EFCAB14: variants seen among roughly 807,000 people sequenced by gnomAD.
EFCAB14 encodes the protein EF-hand calcium-binding domain-containing protein 14.
EFCAB14 carries 43 observed loss-of-function variants against 56.5 expected under a neutral mutation model. That is an observed-to-expected ratio of 0.76 (90% CI 0.60 to 0.98). The LOEUF (loss-of-function observed/expected upper bound fraction) is 0.98, where lower values mean the gene tolerates loss of function less well. Among genes scored for constraint, EFCAB14 ranks in the 50% least tolerant of loss-of-function variants. EFCAB14 has a pLI of 0.00. For synonymous variants in EFCAB14, 235 were observed against 212.9 expected, an observed-to-expected ratio of 1.10 and a Z score of -0.90; for missense variants, 538 against 580.3, an observed-to-expected ratio of 0.93 and a Z score of 0.75.
At chr1:46,708,088 A>G in intron 2 of EFCAB14, 37 bp from the exon 3 acceptor site, 1 of 1,595,136 alleles carries the variant, frequency 6.3e-7, no homozygotes, top group Non-Finnish European at 8.5e-7. Context: ...TAACTAGCAT[A>G]AAGTGCCCTC....
At chr1:46,715,607 T>C (rs2148852187) in intron 2 of EFCAB14, among the ~76,000 whole-genome samples, 1 of 152,144 alleles carries the variant, frequency 6.6e-6, no homozygotes, top group South Asian at 2.1e-4. Context: ...TAGCCCAGTG[T>C]TGTCATTGCC....
chr1:46,694,515 A>T (rs1201021626), intron 4 of EFCAB14, among the ~76,000 whole-genome samples: 3 of 152,248 alleles, frequency 2.0e-5, no homozygotes, highest in Non-Finnish European at 1.5e-5. Flanking sequence ...AATGCAAATC[A>T]AAACCACAAT....
In EFCAB14 at chr1:46,688,577, A is replaced by G. The variant is rs139419410; in HGVS notation, c.796-33T>C. On this transcript the variant is annotated intron_variant, in intron 6 of 10. Coordinates refer to ENST00000371933, the MANE Select transcript of EFCAB14 (RefSeq NM_014774.3). ...GGAAATAAATAAAGTTATGGAATCC[A>G]CTAAAGACGTAAATTAGACAAGCAG... is the stretch of plus-strand genomic sequence containing the variant. 4.9e-4 allele frequency: 782 copies of G among 1,590,036 alleles called. 4 individuals are homozygous for G. In the African/African-American group the frequency reaches 9.3e-3, roughly 19 times the overall value.
In EFCAB14 at chr1:46,676,267, T is replaced by C. The variant is rs1676692933; in HGVS notation, c.*2194A>G. 6.6e-6 allele frequency: 1 copy of C among 152,170 alleles called. No individual in the cohort carries two copies. The highest frequency in any genetic ancestry group is 2.4e-5 in the African/African-American group (1 of 41,432). The allele number at this position is 152,170 out of a possible 1,614,324, so 9.4% of individuals were successfully genotyped here. ...TGCCAAACTTGGTAGGGGGAGAGGA[T>C]GGTACTGTATACTGGCTCAGGGGTG... is the stretch of plus-strand genomic sequence containing the variant. On this transcript the variant is annotated 3_prime_UTR_variant, in exon 11 of 11. Coordinates refer to ENST00000371933, the MANE Select transcript of EFCAB14 (RefSeq NM_014774.3).
intron 2 of EFCAB14, among the ~76,000 whole-genome samples, chr1:46,713,818 T>C (rs746040508): frequency 6.6e-6 from 1 of 152,188 alleles, no homozygotes; most frequent in Non-Finnish European, 1.5e-5. Flanking sequence ...TGGTTACTTA[T>C]GGTTGAACAC....
At chr1:46,711,039 G>A (rs542582484) in intron 2 of EFCAB14, among the ~76,000 whole-genome samples, 1 of 152,222 alleles carries the variant, frequency 6.6e-6, no homozygotes, top group African/African-American at 2.4e-5. Flanking sequence ...TCATCCATCT[G>A]CTGTTGGACA....
chr1:46,681,695 T>A (rs1676798497), intron 10 of EFCAB14, among the ~76,000 whole-genome samples: 1 of 149,826 alleles, frequency 6.7e-6, no homozygotes, highest in Admixed American at 6.7e-5. Flanking sequence ...GTGGCATGAG[T>A]TTATACAACA....
At chr1:46,688,926 C>G (rs935137138) in intron 6 of EFCAB14, among the ~76,000 whole-genome samples, 1 of 152,168 alleles carries the variant, frequency 6.6e-6, no homozygotes, top group African/African-American at 2.4e-5. Flanking sequence ...AGGAACAATA[C>G]CGATTACTGA....
Position 46,689,578 on chromosome 1 carries a change from A to G in EFCAB14, c.795+9T>C. On this transcript the variant is annotated intron_variant, in intron 6 of 10. Transcript: ENST00000371933. ...GGTCACAGGGAGTTAAGCCAGAGAT[A>G]AAAAGCACCTGTTTCAAATTCTCAC... 6.2e-7 allele frequency: 1 copy of G among 1,613,472 alleles called. No homozygotes were observed. Among genetic ancestry groups the G allele is most frequent in the East Asian group, 2.2e-5 (1 of 44,884 alleles).
At chr1:46,689,520 C>T (rs979527765) in intron 6 of EFCAB14, 67 bp downstream of exon 6, 22 of 1,501,146 alleles carry the variant, frequency 1.5e-5, no homozygotes, top group Non-Finnish European at 2.0e-5. Flanking sequence ...AACACTAAGC[C>T]CAAACTATTT....
At chr1:46,696,413 C>T in intron 4 of EFCAB14, 138 bp downstream of exon 4, 1 of 811,780 alleles carries the variant, frequency 1.2e-6, no homozygotes, top group South Asian at 1.7e-5. Flanking sequence ...TGATACACTC[C>T]ATTACTGCCC....
intron 2 of EFCAB14, among the ~76,000 whole-genome samples, chr1:46,708,290 G>A (rs1677261655): frequency 1.3e-5 from 2 of 152,188 alleles, no homozygotes; most frequent in Non-Finnish European, 2.9e-5. Flanking sequence ...AACAGAATGT[G>A]AGCAGAAAGA....
intron 10 of EFCAB14, among the ~76,000 whole-genome samples, chr1:46,679,599 GTTTT>G (rs60875639): frequency 1.6e-4 from 6 of 36,518 alleles, no homozygotes; most frequent in Admixed American, 1.5e-3. Flanking sequence ...CACCACGCCT[GTTTT>G]TTTTTTTTTT....
At chr1:46,685,758 G>C (rs12059401) in intron 8 of EFCAB14, among the ~76,000 whole-genome samples, 1 of 152,088 alleles carries the variant, frequency 6.6e-6, no homozygotes, top group Non-Finnish European at 1.5e-5. Context: ...CTTTCTAATA[G>C]AAACCACCTA....
chr1:46,691,918 T>G lies in EFCAB14; in HGVS notation c.599A>C (p.Asn200Thr). ...GLQKSVASIGNTLNSVHLAVE... is the reference protein window; with the variant it reads ...GLQKSVASIGTTLNSVHLAVE... Reference sequence around the variant, plus strand: ...AGCAAGATGGACGCTGTTTAAAGTATTGCCAATGGAAGCTACACTCTGAAT... The same window carrying G: ...AGCAAGATGGACGCTGTTTAAAGTAGTGCCAATGGAAGCTACACTCTGAAT... Residue 200 changes from asparagine (N) to threonine (T), a missense_variant, in exon 5 of 11, where the codon AAT becomes ACT. Transcript: ENST00000371933. The G allele has an allele frequency of 6.2e-7, 1 of 1,613,230 alleles. No homozygotes were observed. Among genetic ancestry groups the G allele is most frequent in the Non-Finnish European group, 8.5e-7 (1 of 1,179,588 alleles).
Position 46,716,314 on chromosome 1 carries a change from G to T in EFCAB14, c.315C>A (p.Leu105=), listed in dbSNP as rs1314096116. ...QVALKEDLDA[L]KEKFRTMESN... is the part of the protein sequence containing the mutation. The stretch of plus-strand genomic sequence containing the variant: ...ACTTACTTGTTCGAAATTTTTCCTT[G>T]AGGGCATCCAGATCCTCCTTGAGAG... Residue 105 remains leucine (L), a synonymous_variant, in exon 2 of 11, where the codon CTC becomes CTA. Transcript: ENST00000371933. 11 of 1,583,088 alleles carry T rather than the reference G, an allele frequency of 6.9e-6. No individual in the cohort carries two copies. Among genetic ancestry groups the T allele is most frequent in the Middle Eastern group, 1.7e-4 (1 of 5,930 alleles).
intron 1 of EFCAB14, among the ~76,000 whole-genome samples, 194 bp downstream of exon 1, chr1:46,717,709 A>T (rs1677419180): frequency 6.6e-6 from 1 of 152,116 alleles, no homozygotes; most frequent in Non-Finnish European, 1.5e-5. Context: ...TCTACACCTA[A>T]AGACAGATCT....
intron 4 of EFCAB14, 186 bp from the exon 5 acceptor site, chr1:46,692,123 A>C: frequency 2.2e-6 from 1 of 452,660 alleles, no homozygotes. Flanking sequence ...CTCTGTAATC[A>C]CTCCCTTGCC....
At chr1:46,717,558 T>G (rs1677416879) in intron 1 of EFCAB14, among the ~76,000 whole-genome samples, 1 of 152,150 alleles carries the variant, frequency 6.6e-6, no homozygotes, top group African/African-American at 2.4e-5. Flanking sequence ...CTGCTTCTCC[T>G]TTGTTCTACA....
Sources: gnomAD v4.1 joint callset for allele counts (sites outside exome capture counted in the v4.1 genomes callset) on GRCh38, gnomAD v4.1.1 for gene constraint, MANE v1.5 for transcripts, NCBI Gene and HGNC (gene_info 2026-07-23, HGNC 2026-07-21) for gene names.